The following CMIP variants were observed in gnomAD, a reference collection of about 807,000 sequenced individuals.
CMIP encodes the protein C-Maf-inducing protein.
A neutral mutation model predicts 97.3 loss-of-function variants in CMIP; 13 were observed. The observed-to-expected ratio is 0.13, with a 90% CI of 0.09 to 0.21. The LOEUF (loss-of-function observed/expected upper bound fraction) is 0.21. Among genes scored for constraint, CMIP ranks in the 10% least tolerant of loss-of-function variants. The pLI, the probability that CMIP is intolerant of heterozygous loss-of-function variation, is 1.00. For synonymous variants in CMIP, 538 were observed against 436.3 expected (o/e 1.23, Z -2.91); for missense variants, 847 against 1,024.9 (o/e 0.83, Z 2.37).
chr16:81,530,983 C>A (rs750565551), intron 1 of CMIP, among the ~76,000 whole-genome samples: 40 of 152,174 alleles, frequency 2.6e-4, no homozygotes, highest in Non-Finnish European at 4.7e-4. Context: ...GTTCTGATGT[C>A]TTCTGGGATC....
intron 14 of CMIP, 86 bp downstream of exon 14, chr16:81,696,753 C>T (rs951759668): frequency 1.0e-5 from 13 of 1,272,324 alleles, no homozygotes; most frequent in Admixed American, 2.2e-5. Context: ...CCCCCATCCC[C>T]TGGGGCCAGC....
chr16:81,569,716 T>C (rs1443443418), intron 1 of CMIP, among the ~76,000 whole-genome samples: 1 of 152,226 alleles, frequency 6.6e-6, no homozygotes, highest in Non-Finnish European at 1.5e-5. Flanking sequence ...TGGGCACAGT[T>C]GGCTTCTGGG....
intron 3 of CMIP, among the ~76,000 whole-genome samples, chr16:81,634,819 CCAAA>C (rs2092213832): frequency 6.6e-6 from 1 of 152,158 alleles, no homozygotes; most frequent in African/African-American, 2.4e-5. Context: ...ATGGAGGCTT[CCAAA>C]CAAAGCCATG....
At chr16:81,632,813 C>T (rs1195086278) in intron 3 of CMIP, among the ~76,000 whole-genome samples, 1 of 152,190 alleles carries the variant, frequency 6.6e-6, no homozygotes, top group East Asian at 1.9e-4. Flanking sequence ...CTGTCCCTGG[C>T]CAGGGCTTCC....
chr16:81,628,062 G>A (rs1038971664), intron 3 of CMIP, among the ~76,000 whole-genome samples: 41 of 152,140 alleles, frequency 2.7e-4, no homozygotes, highest in African/African-American at 9.2e-4. Context: ...CAGAGCCCTT[G>A]AGCTGATGCC....
chr16:81,707,126 C>A, intron 20 of CMIP, 42 bp downstream of exon 20: 1 of 1,556,268 alleles, frequency 6.4e-7, no homozygotes, highest in Non-Finnish European at 8.9e-7. Context: ...CCTCCTTCTT[C>A]TAGCCAGCAT....
intron 1 of CMIP, among the ~76,000 whole-genome samples, chr16:81,561,479 C>T (rs777465542): frequency 5.9e-5 from 9 of 151,908 alleles, no homozygotes; most frequent in Non-Finnish European, 1.2e-4. Context: ...GGCCCTGCAG[C>T]AGGAGTGAGG....
At chr16:81,694,817 A>T (rs1285527307) in intron 13 of CMIP, among the ~76,000 whole-genome samples, 5 of 152,194 alleles carry the variant, frequency 3.3e-5, no homozygotes, top group African/African-American at 1.2e-4. Context: ...TCTAGTTCCA[A>T]AACACCGCAA....
At chr16:81,506,904 C>CA (rs35148332) in intron 1 of CMIP, among the ~76,000 whole-genome samples, 32,759 of 105,580 alleles carry the variant, frequency 0.31, 4,533 homozygotes, top group South Asian at 0.39. Flanking sequence ...GACTCCGTCT[C>CA]AAAAAAAAAA....
At chr16:81,512,738 AAAT>A (rs1480511851) in intron 1 of CMIP, among the ~76,000 whole-genome samples, 9 of 152,148 alleles carry the variant, frequency 5.9e-5, no homozygotes, top group East Asian at 1.9e-4. Flanking sequence ...ATTATAATTA[AAAT>A]AATAATTTTT....
rs1240625020 is a variant in CMIP at position 81,453,795 on chromosome 16, C to G, written c.300+8254C>G. On this transcript the variant is annotated intron_variant, in intron 1 of 20. Coordinates refer to ENST00000537098, the MANE Select transcript of CMIP (RefSeq NM_198390.3). The surrounding 1 kb of genome is among the most constrained non-coding windows in gnomAD (Gnocchi z 4.0). ...AAATGGGTCTGCCCTCCCCTAGGTC[C>G]TTCATTGTCAGGGGGATGGGGAAAG... Among the ~76,000 whole-genome samples the G allele has an allele frequency of 1.3e-5, 2 of 152,226 alleles. No homozygotes were observed. The highest frequency in any genetic ancestry group is 2.4e-5 in the African/African-American group (1 of 41,458).
rs1000245177 is a variant in CMIP, at chr16:81,640,294, C to G, written c.478-11909C>G. On this transcript the variant is annotated intron_variant, in intron 3 of 20. Transcript: ENST00000537098. Reference sequence around the variant, plus strand: ...GCAGGATAGGACATCAGGCCCCCCCCCCCCCAATTCCCCAGGGAAAGAAAA... The same window carrying G: ...GCAGGATAGGACATCAGGCCCCCCCGCCCCCAATTCCCCAGGGAAAGAAAA... Among the ~76,000 whole-genome samples the G allele has an allele frequency of 4.0e-4, 60 of 150,980 alleles. 1 individual carries two copies. The highest frequency in any genetic ancestry group is 1.2e-3 in the Admixed American group (18 of 15,210).
Position 81,633,519 on chromosome 16 carries a change from G to T in CMIP, c.477+12593G>T, listed in dbSNP as rs80027409. On this transcript the variant is annotated intron_variant, in intron 3 of 20. Transcript: ENST00000537098. ...ACAGCCGGCTAACTCTGGAAGGGAAGGTGTTTGGGAGAGAGGATAATTGAC... is the reference window on the plus strand; with the variant it reads ...ACAGCCGGCTAACTCTGGAAGGGAATGTGTTTGGGAGAGAGGATAATTGAC... Among the ~76,000 whole-genome samples the T allele has an allele frequency of 4.2e-3, 644 of 152,370 alleles. 2 individuals are homozygous for T. Among genetic ancestry groups the T allele is most frequent in the Non-Finnish European group, 7.1e-3 (482 of 68,034 alleles).
In CMIP at chr16:81,614,928, A is replaced by G. The variant is rs1291699899; in HGVS notation, c.427-5948A>G. On this transcript the variant is annotated intron_variant, in intron 2 of 20. Transcript: ENST00000537098. The surrounding 1 kb of genome is among the most constrained non-coding windows in gnomAD (Gnocchi z 5.3). ...TCTATATGTGGTGTGCATAGTGTGTATCTCTGTGTGTGGTGTGTGCATGTG... is the reference window on the plus strand; with the variant it reads ...TCTATATGTGGTGTGCATAGTGTGTGTCTCTGTGTGTGGTGTGTGCATGTG... 7.0e-6 allele frequency among the ~76,000 whole-genome samples: 1 copy of G among 142,258 alleles called. No individual in the cohort carries two copies. The highest frequency in any genetic ancestry group is 1.5e-5 in the Non-Finnish European group (1 of 65,490). 93.3% of individuals were successfully genotyped at this position (142,258 alleles called of 152,430 possible). A position where few individuals can be genotyped will look rare whatever the true frequency, so the allele number is the denominator to read the frequency against.
intron 1 of CMIP, among the ~76,000 whole-genome samples, chr16:81,602,591 C>T (rs1034875309): frequency 2.6e-5 from 4 of 152,248 alleles, no homozygotes; most frequent in African/African-American, 4.8e-5. Flanking sequence ...CCCTCGCCCG[C>T]CCCAGCGGCT....
At chr16:81,559,811 C>G (rs897927163) in intron 1 of CMIP, among the ~76,000 whole-genome samples, 2 of 152,100 alleles carry the variant, frequency 1.3e-5, no homozygotes, top group African/African-American at 4.8e-5. Context: ...AAAAATGAGC[C>G]ATAAAACAGC....
chr16:81,540,880 C>T (rs1384914933), intron 1 of CMIP, among the ~76,000 whole-genome samples: 1 of 151,798 alleles, frequency 6.6e-6, no homozygotes, highest in African/African-American at 2.4e-5. Flanking sequence ...CAGGGTTTCA[C>T]CGTGTTAGCC....
At chr16:81,598,690 G>A (rs977865656) in intron 1 of CMIP, among the ~76,000 whole-genome samples, 1 of 152,182 alleles carries the variant, frequency 6.6e-6, no homozygotes, top group Non-Finnish European at 1.5e-5. Context: ...CGTTCGGCTG[G>A]GCATGGTGGC....
chr16:81,626,248 AGTGT>A (rs1052354250), intron 3 of CMIP, among the ~76,000 whole-genome samples: 5 of 149,438 alleles, frequency 3.3e-5, no homozygotes, highest in African/African-American at 1.0e-4. Context: ...TGAATGTGTG[AGTGT>A]GTGTGAGAGC....
Sources: gnomAD v4.1 joint callset for allele counts (sites outside exome capture counted in the v4.1 genomes callset) on GRCh38, gnomAD v4.1.1 for gene constraint, Gnocchi (gnomAD v3.1) non-coding constraint, MANE v1.5 for transcripts, NCBI Gene and HGNC (gene_info 2026-07-23, HGNC 2026-07-21) for gene names.